Variants in PRKCZ observed in about 807,000 individuals in gnomAD.
The protein encoded by PRKCZ is protein kinase C zeta type.
PRKCZ carries 33 observed loss-of-function variants against 79.5 expected under a neutral mutation model. The observed-to-expected ratio is 0.41, with a 90% CI of 0.31 to 0.55. PRKCZ has a LOEUF of 0.55. PRKCZ is among the 20% of genes least tolerant of loss of function. The probability of loss-of-function intolerance (pLI) is 0.19; values close to 1 mark genes in which losing one functional copy is unlikely to be tolerated. For missense variants in PRKCZ, 578 were observed against 813.5 expected (o/e 0.71, Z 3.52); for synonymous variants, 342 against 320.9 (o/e 1.07, Z -0.70).
At chr1:2,058,108 CCA>C (rs376700403) in intron 3 of PRKCZ, among the ~76,000 whole-genome samples, 144 of 151,968 alleles carry the variant, frequency 9.5e-4, no homozygotes, top group African/African-American at 3.4e-3. Flanking sequence ...ACCTCGTGAT[CCA>C]CCCGCCTCAG....
intron 6 of PRKCZ, chr1:2,144,802 C>T (rs1246161250): frequency 3.7e-5 from 9 of 240,866 alleles, no homozygotes; most frequent in African/African-American, 4.6e-5. Context: ...CCGCCATCCC[C>T]GAGTGCTTGG....
At chr1:2,121,207 A>G (rs1671814902) in intron 4 of PRKCZ, among the ~76,000 whole-genome samples, 1 of 152,046 alleles carries the variant, frequency 6.6e-6, no homozygotes, top group Admixed American at 6.6e-5. Context: ...CAGAACCCTT[A>G]ACTCCTCCCA....
chr1:2,107,761 C>A (rs1386487059), intron 4 of PRKCZ, among the ~76,000 whole-genome samples: 10 of 152,180 alleles, frequency 6.6e-5, no homozygotes, highest in African/African-American at 2.2e-4. Flanking sequence ...GTCGAGGGAG[C>A]CCCCAACACC....
intron 10 of PRKCZ, 86 bp downstream of exon 10, chr1:2,156,178 G>A (rs962956657): frequency 1.2e-5 from 15 of 1,293,638 alleles, no homozygotes; most frequent in Admixed American, 1.7e-5. Flanking sequence ...TGTGTCAACT[G>A]TCACCTGTAA....
At chr1:2,084,535 C>G (rs1412975760) in intron 4 of PRKCZ, among the ~76,000 whole-genome samples, 2 of 152,228 alleles carry the variant, frequency 1.3e-5, no homozygotes, top group African/African-American at 4.8e-5. Context: ...GGCGTACCTG[C>G]GTCCGGCCCA....
rs780754487 is a variant in PRKCZ, at chr1:2,177,663, C to T, written c.1575+2350C>T. Among the ~76,000 whole-genome samples the T allele has an allele frequency of 1.3e-5, 2 of 152,198 alleles. No individual in the cohort carries two copies. Among genetic ancestry groups the T allele is most frequent in the Non-Finnish European group, 2.9e-5 (2 of 68,034 alleles). ...CTGGGAGAGGTCTGCGTCCCTGCAG[C>T]GAGCACGCCAGGTGATCTCTGGCAC... is the stretch of plus-strand genomic sequence containing the variant. On this transcript the variant is annotated intron_variant, in intron 16 of 17. Coordinates refer to ENST00000378567, the MANE Select transcript of PRKCZ (RefSeq NM_002744.6). This position sits in a 1 kb window ranked among gnomAD's most constrained non-coding sequence, Gnocchi z 6.4.
intron 4 of PRKCZ, among the ~76,000 whole-genome samples, chr1:2,121,695 G>GTTAC (rs1377658784): frequency 2.5e-5 from 2 of 81,004 alleles, no homozygotes; most frequent in African/African-American, 8.4e-5. Flanking sequence ...CACGGTGGTG[G>GTTAC]TTAGGGTCAC....
chr1:2,164,599 T>G (rs1682968819), intron 10 of PRKCZ, among the ~76,000 whole-genome samples: 1 of 152,148 alleles, frequency 6.6e-6, no homozygotes. Flanking sequence ...CCAGCTTAGA[T>G]CCAGAATGGA....
chr1:2,079,971 A>G (rs1363250894), intron 4 of PRKCZ, among the ~76,000 whole-genome samples: 1 of 152,106 alleles, frequency 6.6e-6, no homozygotes, highest in East Asian at 1.9e-4. Flanking sequence ...TGGGTGAGGA[A>G]GGGGGTCTGG....
chr1:2,142,564 G>A, intron 5 of PRKCZ: 1 of 262,224 alleles, frequency 3.8e-6, no homozygotes, highest in Non-Finnish European at 7.6e-6. Context: ...GAGGTCTTGG[G>A]TGGGATGCCC....
In PRKCZ at chr1:2,128,602, G is replaced by A. The variant is rs74911125; in HGVS notation, c.335-6660G>A. Among the ~76,000 whole-genome samples, 155 of 152,306 alleles carry A rather than the reference G, an allele frequency of 1.0e-3. No individual in the cohort carries two copies. Among genetic ancestry groups the A allele is most frequent in the Non-Finnish European group, 1.7e-3 (114 of 68,022 alleles). ...GAGTTAAGGCTGAAAGAGGAGGAGC[G>A]GCCCCTGTGATCCCCACAATTTTGT... On this transcript the variant is annotated intron_variant, in intron 4 of 17. Transcript: ENST00000378567. The surrounding 1 kb of genome is among the most constrained non-coding windows in gnomAD (Gnocchi z 6.5).
intron 4 of PRKCZ, among the ~76,000 whole-genome samples, chr1:2,076,603 G>T (rs577554234): frequency 9.9e-5 from 15 of 152,202 alleles, no homozygotes; most frequent in African/African-American, 3.1e-4. Context: ...TTAGCTGGGC[G>T]TGGTGGTGAG....
At chr1:2,136,729 G>A (rs2103040875) in intron 5 of PRKCZ, among the ~76,000 whole-genome samples, 1 of 152,230 alleles carries the variant, frequency 6.6e-6, no homozygotes, top group East Asian at 1.9e-4. Flanking sequence ...AGGGAGTGTT[G>A]CAGCACAGAG....
intron 16 of PRKCZ, among the ~76,000 whole-genome samples, chr1:2,182,992 G>A (rs1411028886): frequency 8.5e-5 from 13 of 152,296 alleles, no homozygotes; most frequent in Admixed American, 7.2e-4. Context: ...TTGGGAGGCC[G>A]AGGAGGGCAG....
chr1:2,113,676 G>A (rs1442066676), intron 4 of PRKCZ, among the ~76,000 whole-genome samples: 1 of 152,178 alleles, frequency 6.6e-6, no homozygotes, highest in African/African-American at 2.4e-5. Flanking sequence ...ACGAAGTAGT[G>A]GTATCTCTGA....
At chr1:2,108,267 T>C (rs1477829883) in intron 4 of PRKCZ, among the ~76,000 whole-genome samples, 1 of 152,236 alleles carries the variant, frequency 6.6e-6, no homozygotes, top group South Asian at 2.1e-4. Flanking sequence ...TCTTCGCCCC[T>C]GCCCGCTCAC....
intron 4 of PRKCZ, chr1:2,073,675 A>G (rs1661841363): frequency 1.0e-6 from 1 of 992,644 alleles, no homozygotes; most frequent in Non-Finnish European, 1.2e-6. Context: ...GCTGCTGGCT[A>G]CAGCTTCCCG....
intron 6 of PRKCZ, 45 bp downstream of exon 6, chr1:2,144,386 G>A (rs112514857): frequency 1.4e-5 from 22 of 1,542,970 alleles, no homozygotes; most frequent in Middle Eastern, 1.9e-4. Context: ...GGGCGGGGTC[G>A]GGGCGTGGCA....
chr1:2,102,554 G>C (rs371491109), intron 4 of PRKCZ, among the ~76,000 whole-genome samples: 14 of 152,064 alleles, frequency 9.2e-5, no homozygotes, highest in East Asian at 3.9e-4. Context: ...GGATGGTCTC[G>C]ATCTCCTGAC....
Sources: gnomAD v4.1 joint callset for allele counts (sites outside exome capture counted in the v4.1 genomes callset) on GRCh38, gnomAD v4.1.1 for gene constraint, Gnocchi (gnomAD v3.1) non-coding constraint, MANE v1.5 for transcripts, NCBI Gene and HGNC (gene_info 2026-07-23, HGNC 2026-07-21) for gene names.